Variants in METAP1D observed in about 807,000 individuals in gnomAD.
METAP1D encodes methionine aminopeptidase 1D, mitochondrial.
In METAP1D, 31 loss-of-function variants were observed where a neutral mutation model predicts 40.5. The observed-to-expected ratio is 0.77, with a 90% CI of 0.58 to 1.03. The LOEUF is 1.03. Among genes scored for constraint, METAP1D ranks in the 50% least tolerant of loss-of-function variants. The pLI, the probability that METAP1D is intolerant of heterozygous loss-of-function variation, is 0.00. For missense variants in METAP1D, 411 were observed against 420.7 expected (o/e 0.98, Z 0.20); for synonymous variants, 151 against 146.4 (o/e 1.03, Z -0.22).
intron 6 of METAP1D, among the ~76,000 whole-genome samples, chr2:172,071,685 TC>T (rs1690423900): frequency 6.6e-6 from 1 of 152,216 alleles, no homozygotes; most frequent in African/African-American, 2.4e-5. Context: ...TTAAGACTTT[TC>T]TTTATAATCT....
In METAP1D at chr2:172,044,893, A is replaced by T. The variant is rs183161269; in HGVS notation, c.41-16605A>T. ...GACAGAACGAGACTTTATCTCAAAA[A>T]AAATAAATAAATAAATAAATCAGGT... On this transcript the variant is annotated intron_variant, in intron 1 of 9. Transcript: ENST00000315796. Among the ~76,000 whole-genome samples the T allele has an allele frequency of 6.3e-3, 719 of 114,130 alleles. 119 individuals are homozygous for T. Among genetic ancestry groups the T allele is most frequent in the South Asian group, 0.014 (48 of 3,464 alleles). The allele number at this position is 114,130 out of a possible 152,430, so 74.9% of individuals were successfully genotyped here.
chr2:172,080,482 A>G lies in METAP1D; in HGVS notation c.*76A>G. On this transcript the variant is annotated 3_prime_UTR_variant, in exon 10 of 10. Transcript: ENST00000315796. ...GAAATTTGGCTGGAGAACTTTTAGA[A>G]GAAACAGGGAAATGACCGGTGGTGC... is the stretch of plus-strand genomic sequence containing the variant. The G allele has an allele frequency of 6.7e-7, 1 of 1,494,068 alleles. No homozygotes were observed. The highest frequency in any genetic ancestry group is 2.3e-5 in the East Asian group (1 of 44,254). The allele number at this position is 1,494,068 out of a possible 1,614,324, so 92.6% of individuals were successfully genotyped here.
chr2:172,005,306 C>G (rs1688552367), intron 1 of METAP1D, among the ~76,000 whole-genome samples: 1 of 151,784 alleles, frequency 6.6e-6, no homozygotes, highest in South Asian at 2.1e-4. Flanking sequence ...TTTTATCCTT[C>G]ACCCCTGCAT....
At chr2:172,079,126 T>A in intron 7 of METAP1D, 89 bp from the exon 8 acceptor site, 1 of 1,379,412 alleles carries the variant, frequency 7.2e-7, no homozygotes, top group Non-Finnish European at 1.0e-6. Flanking sequence ...ACGACCAAGT[T>A]TTTTAAAGGG....
intron 5 of METAP1D, among the ~76,000 whole-genome samples, chr2:172,068,599 C>T (rs774198076): frequency 4.0e-5 from 6 of 151,626 alleles, no homozygotes; most frequent in South Asian, 2.1e-4. Flanking sequence ...CTGCAAACTC[C>T]GCCTTAAGGG....
chr2:172,026,864 A>G (rs1452772434), intron 1 of METAP1D, among the ~76,000 whole-genome samples: 1 of 152,166 alleles, frequency 6.6e-6, no homozygotes, highest in African/African-American at 2.4e-5. Context: ...ATCCAGAGGG[A>G]AGGGGATAAA....
chr2:172,042,420 T>C (rs958152567), intron 1 of METAP1D, among the ~76,000 whole-genome samples: 108 of 47,590 alleles, frequency 2.3e-3, no homozygotes, highest in East Asian at 4.3e-3. Context: ...TGTGTACATG[T>C]GTACATATAT....
At chr2:172,035,446 G>A (rs370601328) in intron 1 of METAP1D, among the ~76,000 whole-genome samples, 1 of 151,916 alleles carries the variant, frequency 6.6e-6, no homozygotes, top group Non-Finnish European at 1.5e-5. Context: ...TTACAGGTGT[G>A]AGCCACCACC....
At chr2:172,041,729 TATATATATATATA>T (rs1689534528) in intron 1 of METAP1D, among the ~76,000 whole-genome samples, 2 of 17,912 alleles carry the variant, frequency 1.1e-4, no homozygotes, top group East Asian at 0.012. Flanking sequence ...AATTATTTTA[TATATATATATATA>T]TATATATATA....
At chr2:172,017,871 G>T (rs1214531791) in intron 1 of METAP1D, among the ~76,000 whole-genome samples, 1 of 152,130 alleles carries the variant, frequency 6.6e-6, no homozygotes, top group Admixed American at 6.5e-5. Context: ...GCTTACACCT[G>T]TAATCCCAAC....
At chr2:172,023,662 A>T (rs1689055685) in intron 1 of METAP1D, among the ~76,000 whole-genome samples, 2 of 152,226 alleles carry the variant, frequency 1.3e-5, no homozygotes, top group South Asian at 2.1e-4. Context: ...ACTTATAAAC[A>T]TATATTAAAA....
chr2:172,073,794 G>T (rs537510328), intron 6 of METAP1D, among the ~76,000 whole-genome samples: 1 of 152,228 alleles, frequency 6.6e-6, no homozygotes, highest in South Asian at 2.1e-4. Flanking sequence ...CAGACCAAAG[G>T]TTTACAAACA....
intron 1 of METAP1D, among the ~76,000 whole-genome samples, chr2:172,038,085 C>T (rs759322281): frequency 1.3e-5 from 2 of 152,092 alleles, no homozygotes; most frequent in African/African-American, 2.4e-5. Flanking sequence ...TGGTAGGAAG[C>T]AGTAAAGTGG....
Position 171,999,991 on chromosome 2 carries a change from C to G in METAP1D, c.22C>G (p.His8Asp). 1 of 1,345,190 alleles carries G rather than the reference C, an allele frequency of 7.4e-7. No individual in the cohort carries two copies. The allele number at this position is 1,345,190 out of a possible 1,614,324, so 83.3% of individuals were successfully genotyped here. Reference sequence around the variant, plus strand: ...CAACATGGCGGCGCCCAGTGGCGTCCACCTGCTCGTCCGCAGAGGTAAGCG... The same window carrying G: ...CAACATGGCGGCGCCCAGTGGCGTCGACCTGCTCGTCCGCAGAGGTAAGCG... MAAPSGV[H>D]LLVRRGSHRI... The change falls in exon 1 of 10, where the codon CAC (histidine) becomes GAC (aspartate). Residue 8 changes from histidine (H) to aspartate (D), a missense_variant. By Grantham distance (81) the His-to-Asp change is moderately conservative. Transcript: ENST00000315796.
At chr2:172,059,785 C>T (rs555022541) in intron 1 of METAP1D, among the ~76,000 whole-genome samples, 3 of 152,302 alleles carry the variant, frequency 2.0e-5, no homozygotes, top group Non-Finnish European at 2.9e-5. Context: ...GGCGCGGTGG[C>T]TACGCCCGTA....
chr2:172,022,449 G>A (rs1435462117), intron 1 of METAP1D, among the ~76,000 whole-genome samples: 1 of 152,090 alleles, frequency 6.6e-6, no homozygotes, highest in African/African-American at 2.4e-5. Context: ...GAATTTGTTT[G>A]ACATCTTGTG....
At position 172,080,334 on chromosome 2, in the gene METAP1D, G is replaced by A. The variant is rs1425969165; in HGVS notation, c.936G>A (p.Ala312=). ...GCTGGGTGCTGTGTTACAGGTCGGC[G>A]CAGTTCGAGCACACGGTTCTGATCA... The part of the protein sequence containing the change: ...TVVSLDNQRS[A]QFEHTVLITS... Residue 312 remains alanine (A), a synonymous_variant, in exon 10 of 10, where the codon GCG becomes GCA. Transcript: ENST00000315796. 8 of 1,613,970 alleles carry A rather than the reference G, an allele frequency of 5.0e-6. No homozygotes were observed. The highest frequency in any genetic ancestry group is 1.7e-5 in the Admixed American group (1 of 60,010).
intron 1 of METAP1D, among the ~76,000 whole-genome samples, chr2:172,039,506 C>T (rs1362667299): frequency 6.6e-6 from 1 of 152,126 alleles, no homozygotes; most frequent in Non-Finnish European, 1.5e-5. Context: ...TTCATAACGG[C>T]TTTCTTTGTA....
In METAP1D at chr2:172,060,728, G is replaced by A. The variant is rs138810412; in HGVS notation, c.41-770G>A. 2.7e-3 allele frequency among the ~76,000 whole-genome samples: 408 copies of A among 152,184 alleles called. 3 individuals are homozygous for A. Among genetic ancestry groups the A allele is most frequent in the African/African-American group, 8.7e-3 (362 of 41,500 alleles). On this transcript the variant is annotated intron_variant, in intron 1 of 9. Coordinates refer to ENST00000315796, the MANE Select transcript of METAP1D (RefSeq NM_199227.3). ...AATATATTTAATCAGTCCCCTACTG[G>A]TATTTCCTATTTGGAAACATTTGAG...
Sources: gnomAD v4.1 joint callset for allele counts (sites outside exome capture counted in the v4.1 genomes callset) on GRCh38, gnomAD v4.1.1 for gene constraint, MANE v1.5 for transcripts, NCBI Gene and HGNC (gene_info 2026-07-23, HGNC 2026-07-21) for gene names.